The following ADARB2 variants were observed in gnomAD, a reference collection of about 807,000 sequenced individuals.
ADARB2 encodes adenosine deaminase RNA specific B2 (inactive), also known as inactive double-stranded RNA-specific editase B2.
Under a neutral mutation model 62.2 loss-of-function variants are expected in ADARB2, and 25 were observed. The ratio of observed to expected loss-of-function variants is 0.40; its 90% CI spans 0.29 to 0.56. ADARB2 has a LOEUF of 0.56. Ranked by LOEUF, ADARB2 falls within the 20% of genes least tolerant of loss-of-function variation. The pLI is 0.43. For missense variants in ADARB2, 1,071 were observed against 1,077.4 expected (o/e 0.99, Z 0.08); for synonymous variants, 572 against 500.8 (o/e 1.14, Z -1.90).
intron 1 of ADARB2, among the ~76,000 whole-genome samples, chr10:1,581,416 G>A (rs1833097053): frequency 6.6e-6 from 1 of 152,186 alleles, no homozygotes. Context: ...CGGCCACGTG[G>A]CCTCTTCACT....
At chr10:1,585,398 C>A (rs963354107) in intron 1 of ADARB2, among the ~76,000 whole-genome samples, 2 of 152,172 alleles carry the variant, frequency 1.3e-5, no homozygotes, top group African/African-American at 4.8e-5. Flanking sequence ...TAAAAAAAAG[C>A]TACATGCTTC....
chr10:1,735,810 A>T (rs983027078), intron 1 of ADARB2, among the ~76,000 whole-genome samples: 3 of 152,224 alleles, frequency 2.0e-5, no homozygotes, highest in Non-Finnish European at 2.9e-5. Context: ...GTTCGGTCAT[A>T]ATGAATGACT....
intron 1 of ADARB2, among the ~76,000 whole-genome samples, chr10:1,402,542 A>G (rs1832673835): frequency 6.6e-6 from 1 of 152,152 alleles, no homozygotes; most frequent in Non-Finnish European, 1.5e-5. Context: ...GAATTCTCAA[A>G]TATGTGAATC....
intron 4 of ADARB2, among the ~76,000 whole-genome samples, chr10:1,260,370 T>C (rs980288824): frequency 2.0e-5 from 3 of 152,058 alleles, no homozygotes; most frequent in African/African-American, 7.2e-5. Flanking sequence ...TTGTCCCTGT[T>C]TGCAGACGAC....
intron 1 of ADARB2, among the ~76,000 whole-genome samples, chr10:1,422,228 T>C (rs1832857947): frequency 6.6e-6 from 1 of 152,228 alleles, no homozygotes; most frequent in Non-Finnish European, 1.5e-5. Context: ...TGAGGCCACA[T>C]AGGATATTTC....
At chr10:1,283,701 G>A (rs933393195) in intron 3 of ADARB2, among the ~76,000 whole-genome samples, 2 of 152,218 alleles carry the variant, frequency 1.3e-5, no homozygotes, top group Non-Finnish European at 2.9e-5. Flanking sequence ...TGTCCATCAT[G>A]AGAATAACCA....
rs1205622782 is a variant in ADARB2 at position 1,261,386 on chromosome 10, A to AT, written c.1192+9568dup. ...CAGGCAACCTACAAAATGGGAGAAA[A>AT]TTTTCGCAACCTACTCATCTGACAA... On this transcript the variant is annotated intron_variant, in intron 4 of 9. Transcript: ENST00000381312. Among the ~76,000 whole-genome samples, 104 of 147,438 alleles carry AT rather than the reference A, an allele frequency of 7.1e-4. 2 individuals are homozygous for AT. Among genetic ancestry groups the AT allele is most frequent in the South Asian group, 3.2e-3 (15 of 4,652 alleles).
chr10:1,584,921 A>T (rs1833154362), intron 1 of ADARB2, among the ~76,000 whole-genome samples: 1 of 152,176 alleles, frequency 6.6e-6, no homozygotes, highest in Non-Finnish European at 1.5e-5. Context: ...CAGACAATGA[A>T]AAGATCAGGG....
At chr10:1,659,828 C>A (rs373486509) in intron 1 of ADARB2, among the ~76,000 whole-genome samples, 2 of 145,514 alleles carry the variant, frequency 1.4e-5, no homozygotes, top group African/African-American at 5.0e-5. Context: ...CCTGCCTGGG[C>A]GACCCATCAT....
intron 1 of ADARB2, among the ~76,000 whole-genome samples, chr10:1,684,927 G>T (rs1272619454): frequency 6.6e-6 from 1 of 152,146 alleles, no homozygotes; most frequent in South Asian, 2.1e-4. Flanking sequence ...TGCAAGTTCC[G>T]AGTGGGGGCC....
chr10:1,345,829 G>A (rs138872580), intron 3 of ADARB2, among the ~76,000 whole-genome samples: 93 of 152,278 alleles, frequency 6.1e-4, no homozygotes, highest in African/African-American at 2.0e-3. Flanking sequence ...AGGCCGACAC[G>A]TGTGCTTGAT....
chr10:1,463,881 A>T (rs1271280993), intron 1 of ADARB2, among the ~76,000 whole-genome samples: 1 of 152,382 alleles, frequency 6.6e-6, no homozygotes. Flanking sequence ...GGATTTGAGC[A>T]GACACTTTGC....
intron 1 of ADARB2, among the ~76,000 whole-genome samples, chr10:1,498,745 A>C (rs1463239827): frequency 6.6e-6 from 1 of 152,268 alleles, no homozygotes; most frequent in Non-Finnish European, 1.5e-5. Context: ...TATAAATTTC[A>C]GAAATGACCA....
intron 1 of ADARB2, among the ~76,000 whole-genome samples, chr10:1,543,120 G>C (rs1832462781): frequency 6.6e-6 from 1 of 152,252 alleles, no homozygotes; most frequent in Admixed American, 6.5e-5. Flanking sequence ...GGGCGGTGTG[G>C]GGTGGCTTCC....
At chr10:1,232,599 TGG>T (rs1830818273) in intron 6 of ADARB2, among the ~76,000 whole-genome samples, 1 of 63,846 alleles carries the variant, frequency 1.6e-5, no homozygotes, top group Non-Finnish European at 3.6e-5. Context: ...GTGGTATATG[TGG>T]TATGTGTTTG....
At chr10:1,613,925 T>TTAC (rs1833600591) in intron 1 of ADARB2, among the ~76,000 whole-genome samples, 1 of 152,248 alleles carries the variant, frequency 6.6e-6, no homozygotes, top group Non-Finnish European at 1.5e-5. Flanking sequence ...TACAAAGCTA[T>TTAC]TAAAAATATG....
intron 1 of ADARB2, among the ~76,000 whole-genome samples, chr10:1,452,955 C>T (rs77309126): frequency 5.9e-5 from 9 of 152,158 alleles, no homozygotes; most frequent in Non-Finnish European, 1.0e-4. Flanking sequence ...TGGTGGGCCG[C>T]GCAGAGCCTG....
intron 1 of ADARB2, among the ~76,000 whole-genome samples, chr10:1,637,115 C>T (rs1336472998): frequency 6.6e-6 from 1 of 152,138 alleles, no homozygotes. Context: ...CAGATGTAGA[C>T]ACACTGAAGG....
intron 1 of ADARB2, among the ~76,000 whole-genome samples, chr10:1,432,188 G>T (rs1290910397): frequency 6.6e-6 from 1 of 151,136 alleles, no homozygotes; most frequent in African/African-American, 2.5e-5. Flanking sequence ...AAAATGCAGA[G>T]ATAGTAACTG....
Sources: gnomAD v4.1 joint callset for allele counts (sites outside exome capture counted in the v4.1 genomes callset) on GRCh38, gnomAD v4.1.1 for gene constraint, MANE v1.5 for transcripts, NCBI Gene and HGNC (gene_info 2026-07-23, HGNC 2026-07-21) for gene names.